LHFPL6: variants seen among roughly 807,000 people sequenced by gnomAD.
LHFPL6 encodes the protein LHFPL tetraspan subfamily member 6.
A neutral mutation model predicts 20.6 loss-of-function variants in LHFPL6; 9 were observed. The observed-to-expected ratio is 0.44, with a 90% CI of 0.26 to 0.76. The LOEUF (loss-of-function observed/expected upper bound fraction) is 0.76. Among genes scored for constraint, LHFPL6 ranks in the 30% least tolerant of loss-of-function variants. LHFPL6 has a pLI of 0.20. For missense variants in LHFPL6, 218 were observed against 253.5 expected (o/e 0.86, Z 0.95); for synonymous variants, 105 against 98.7 (o/e 1.06, Z -0.38).
chr13:39,406,248 A>G (rs1593300480), intron 2 of LHFPL6, among the ~76,000 whole-genome samples: 1 of 152,206 alleles, frequency 6.6e-6, no homozygotes, highest in Non-Finnish European at 1.5e-5. Flanking sequence ...GTGTCAGGAT[A>G]GTATCAATGT....
chr13:39,358,568 C>A (rs183920406), intron 3 of LHFPL6, among the ~76,000 whole-genome samples: 1 of 147,336 alleles, frequency 6.8e-6, no homozygotes, highest in African/African-American at 2.5e-5. Flanking sequence ...AGAGGTTTTG[C>A]ATAACAAGAG....
At chr13:39,453,610 T>C (rs566379115) in intron 2 of LHFPL6, among the ~76,000 whole-genome samples, 2 of 152,350 alleles carry the variant, frequency 1.3e-5, no homozygotes, top group South Asian at 2.1e-4. Flanking sequence ...TCCAGACTGA[T>C]AGAAGCAGCA....
At chr13:39,449,594 G>A (rs530209192) in intron 2 of LHFPL6, among the ~76,000 whole-genome samples, 24 of 152,204 alleles carry the variant, frequency 1.6e-4, no homozygotes, top group Admixed American at 4.6e-4. Context: ...CTAAATTGAC[G>A]AAACAGACTG....
rs1443423981 is a variant in LHFPL6 at position 39,484,072 on chromosome 13, C to T, written c.386-105546G>A. On this transcript the variant is annotated intron_variant, in intron 2 of 3. Transcript: ENST00000379589. ...CTCAAATACTCTCTATTTACACTTCCTATGTGATTCCATCCAGATCTGTGC... is the reference window on the plus strand; with the variant it reads ...CTCAAATACTCTCTATTTACACTTCTTATGTGATTCCATCCAGATCTGTGC... Among the ~76,000 whole-genome samples, 7 of 152,124 alleles carry T rather than the reference C, an allele frequency of 4.6e-5. No individual in the cohort carries two copies. In the East Asian group the frequency reaches 1.3e-3, roughly 29 times the overall value.
chr13:39,365,189 A>C (rs1428394630), intron 3 of LHFPL6, among the ~76,000 whole-genome samples: 1 of 152,174 alleles, frequency 6.6e-6, no homozygotes, highest in Non-Finnish European at 1.5e-5. Context: ...TCTGTCTCTA[A>C]TTACTGCTCC....
At chr13:39,497,835 T>G (rs1223605434) in intron 2 of LHFPL6, among the ~76,000 whole-genome samples, 1 of 152,178 alleles carries the variant, frequency 6.6e-6, no homozygotes, top group Non-Finnish European at 1.5e-5. Flanking sequence ...CTGATTTAAT[T>G]TCAGTAGCAA....
At chr13:39,566,731 T>TAAAAAAAAAA (rs3035077) in intron 2 of LHFPL6, among the ~76,000 whole-genome samples, 16 of 70,076 alleles carry the variant, frequency 2.3e-4, no homozygotes, top group African/African-American at 9.1e-4. Flanking sequence ...AGACCCTGTC[T>TAAAAAAAAAA]AAAAAAAAAA....
intron 2 of LHFPL6, among the ~76,000 whole-genome samples, chr13:39,466,200 T>C (rs1012796286): frequency 2.0e-5 from 3 of 152,208 alleles, no homozygotes; most frequent in Non-Finnish European, 4.4e-5. Context: ...TGTTTGGATC[T>C]GAGTTTGTTT....
chr13:39,575,510 G>A (rs1274741859), intron 2 of LHFPL6, among the ~76,000 whole-genome samples: 1 of 152,106 alleles, frequency 6.6e-6, no homozygotes, highest in African/African-American at 2.4e-5. Flanking sequence ...AATTTACTAT[G>A]ACATCTCTAT....
intron 2 of LHFPL6, among the ~76,000 whole-genome samples, chr13:39,585,895 A>G (rs1872433706): frequency 6.6e-6 from 1 of 152,212 alleles, no homozygotes; most frequent in Admixed American, 6.5e-5. Context: ...AAAGGAAGCC[A>G]TTAATGGTTA....
chr13:39,487,950 C>T (rs958033095), intron 2 of LHFPL6, among the ~76,000 whole-genome samples: 34 of 152,258 alleles, frequency 2.2e-4, no homozygotes, highest in African/African-American at 8.2e-4. Flanking sequence ...CAGGGAGGAA[C>T]AAGAAAGTTA....
chr13:39,480,212 C>T (rs1868457022), intron 2 of LHFPL6, among the ~76,000 whole-genome samples: 1 of 152,082 alleles, frequency 6.6e-6, no homozygotes, highest in Admixed American at 6.6e-5. Context: ...CAATCTGAAC[C>T]TAGACCTGGA....
At position 39,401,977 on chromosome 13, in the gene LHFPL6, G is replaced by A. The variant is rs146662140; in HGVS notation, c.386-23451C>T. Among the ~76,000 whole-genome samples the A allele has an allele frequency of 8.5e-5, 13 of 152,208 alleles. No homozygotes were observed. The East Asian group carries it at 1.7e-3, about 20-fold the overall frequency. ...ACTTTTAGACAGATGTATACCGTCC[G>A]ATATGGTAACCACTAACCACATGTG... On this transcript the variant is annotated intron_variant, in intron 2 of 3. Transcript: ENST00000379589.
intron 2 of LHFPL6, among the ~76,000 whole-genome samples, chr13:39,545,687 G>A (rs1870959850): frequency 6.6e-6 from 1 of 152,046 alleles, no homozygotes; most frequent in Non-Finnish European, 1.5e-5. Context: ...ACATCCTCTT[G>A]TATACTTTAA....
At chr13:39,601,825 T>G (rs1392950401) in intron 1 of LHFPL6, among the ~76,000 whole-genome samples, 1 of 152,218 alleles carries the variant, frequency 6.6e-6, no homozygotes, top group Non-Finnish European at 1.5e-5. Flanking sequence ...CCTTTAAGGG[T>G]GCATTAACTC....
At chr13:39,555,830 T>A (rs1483393256) in intron 2 of LHFPL6, among the ~76,000 whole-genome samples, 1 of 152,170 alleles carries the variant, frequency 6.6e-6, no homozygotes, top group African/African-American at 2.4e-5. Context: ...ATCTGTCCCC[T>A]CCAAATCTCA....
In LHFPL6 at chr13:39,595,513, G is replaced by C. The variant is rs142369732; in HGVS notation, c.385+5319C>G. On this transcript the variant is annotated intron_variant, in intron 2 of 3. Coordinates refer to ENST00000379589, the MANE Select transcript of LHFPL6 (RefSeq NM_005780.3). Reference sequence around the variant, plus strand: ...TTGTCATGTTGGGCAGGCTGGTCTCGAGCTCCTGGCCTCAGGTGATCGGCC... The same window carrying C: ...TTGTCATGTTGGGCAGGCTGGTCTCCAGCTCCTGGCCTCAGGTGATCGGCC... Among the ~76,000 whole-genome samples, 584 of 152,236 alleles carry C rather than the reference G, an allele frequency of 3.8e-3. 2 individuals carry two copies. Among genetic ancestry groups the C allele is most frequent in the Middle Eastern group, 0.01 (3 of 294 alleles).
At chr13:39,587,152 C>T (rs969001147) in intron 2 of LHFPL6, among the ~76,000 whole-genome samples, 4 of 68,152 alleles carry the variant, frequency 5.9e-5, no homozygotes, top group African/African-American at 1.8e-4. Context: ...AGTGAAACTC[C>T]GTCTCAAAAA....
intron 2 of LHFPL6, among the ~76,000 whole-genome samples, chr13:39,556,401 T>C (rs1280941387): frequency 6.6e-6 from 1 of 151,966 alleles, no homozygotes; most frequent in African/African-American, 2.4e-5. Flanking sequence ...GAAAGTGAAG[T>C]CCAGACTGAG....
Sources: gnomAD v4.1 joint callset for allele counts (sites outside exome capture counted in the v4.1 genomes callset) on GRCh38, gnomAD v4.1.1 for gene constraint, MANE v1.5 for transcripts, NCBI Gene and HGNC (gene_info 2026-07-23, HGNC 2026-07-21) for gene names.